Variants in VWDE observed in about 807,000 individuals in gnomAD.
VWDE encodes von Willebrand factor D and EGF domains, also known as von Willebrand factor D and EGF domain-containing protein.
A neutral mutation model predicts 178.4 loss-of-function variants in VWDE; 207 were observed. That is an observed-to-expected ratio of 1.16 (90% CI 1.04 to 1.30). VWDE has a LOEUF of 1.30. VWDE is among the 50% of genes most tolerant of loss of function. The pLI is 0.00. For synonymous variants in VWDE, 738 were observed against 651.4 expected (o/e 1.13, Z -2.02); for missense variants, 2,287 against 1,901.3 (o/e 1.20, Z -3.77).
At chr7:12,381,647 G>T (rs1783859065) in intron 4 of VWDE, among the ~76,000 whole-genome samples, 2 of 151,858 alleles carry the variant, frequency 1.3e-5, no homozygotes, top group Admixed American at 1.3e-4. Flanking sequence ...AATTTACCTA[G>T]TTAACAAATA....
At chr7:12,354,418 T>C in intron 18 of VWDE, 1 of 443,564 alleles carries the variant, frequency 2.3e-6, no homozygotes, top group Non-Finnish European at 4.5e-6. Context: ...ACCAAAGGTA[T>C]TCAGGCATGC....
chr7:12,382,674 T>A (rs1783912996), intron 4 of VWDE, among the ~76,000 whole-genome samples: 1 of 151,912 alleles, frequency 6.6e-6, no homozygotes. Flanking sequence ...ATTAATTATA[T>A]GTCAACAGTC....
chr7:12,386,716 G>A (rs1021407969), intron 3 of VWDE, among the ~76,000 whole-genome samples: 1 of 152,116 alleles, frequency 6.6e-6, no homozygotes, highest in Non-Finnish European at 1.5e-5. Flanking sequence ...TTTCGCTGGT[G>A]ACGCTTCATT....
chr7:12,367,390 T>C lies in VWDE; in HGVS notation c.2865A>G (p.Leu955=), dbSNP rs1298427933. ...TAGTAACTTCACATTTAATTGAAGG[T>C]AATTCTTTGAAGCCTTTGCCAAAAA... The part of the protein sequence containing the change: ...VRVFGKGFKE[L]PSIKCEVTKL... The change falls in exon 13 of 29, where the codon TTA becomes TTG. Residue 955 remains leucine (L), a synonymous_variant. Transcript: ENST00000275358. 6.5e-7 allele frequency: 1 copy of C among 1,547,008 alleles called. No individual in the cohort carries two copies. Among genetic ancestry groups the C allele is most frequent in the Admixed American group, 2.0e-5 (1 of 50,452 alleles).
intron 18 of VWDE, among the ~76,000 whole-genome samples, chr7:12,355,737 A>G (rs1782207586): frequency 1.3e-5 from 2 of 152,162 alleles, no homozygotes; most frequent in Non-Finnish European, 2.9e-5. Context: ...AATTATCAGT[A>G]AAACCTCTCT....
rs888282800 is a variant in VWDE, at chr7:12,377,926, A to G, written c.880-6T>C. On this transcript the variant is annotated splice_polypyrimidine_tract_variant and splice_region_variant and intron_variant, in intron 6 of 28. Coordinates refer to ENST00000275358, the MANE Select transcript of VWDE (RefSeq NM_001135924.3). Reference sequence around the variant, plus strand: ...GTGCTCAATTCAGGCTGTAGCTGGTATAAGAAAATACGTAGAAAAATTATG... The same window carrying G: ...GTGCTCAATTCAGGCTGTAGCTGGTGTAAGAAAATACGTAGAAAAATTATG... 11 of 1,378,754 alleles carry G rather than the reference A, an allele frequency of 8.0e-6. No individual in the cohort carries two copies. The highest frequency in any genetic ancestry group is 5.7e-5 in the East Asian group (2 of 34,952). The allele number at this position is 1,378,754 out of a possible 1,614,324, so 85.4% of individuals were successfully genotyped here.
At chr7:12,347,647 C>A (rs2128548730) in intron 19 of VWDE, among the ~76,000 whole-genome samples, 1 of 152,094 alleles carries the variant, frequency 6.6e-6, no homozygotes. Flanking sequence ...GGCCATACTG[C>A]CCAAGGTAAT....
At chr7:12,395,813 C>T (rs1412970391) in intron 1 of VWDE, among the ~76,000 whole-genome samples, 3 of 151,994 alleles carry the variant, frequency 2.0e-5, no homozygotes, top group African/African-American at 7.3e-5. Context: ...ATGCATGATA[C>T]AGTTAAGTGA....
At chr7:12,357,014 T>C (rs1473004217) in intron 17 of VWDE, among the ~76,000 whole-genome samples, 1 of 152,198 alleles carries the variant, frequency 6.6e-6, no homozygotes, top group Non-Finnish European at 1.5e-5. Context: ...TTTATTCTTG[T>C]CATAGTGAAG....
chr7:12,357,198 T>A, intron 17 of VWDE, 67 bp downstream of exon 17: 1 of 1,507,902 alleles, frequency 6.6e-7, no homozygotes, highest in Non-Finnish European at 8.9e-7. Flanking sequence ...GCTTGTATTT[T>A]AAATTCAAAT....
intron 2 of VWDE, among the ~76,000 whole-genome samples, chr7:12,392,808 C>A (rs201749827): frequency 1.6e-3 from 209 of 131,998 alleles, no homozygotes; most frequent in Middle Eastern, 4.1e-3. Flanking sequence ...AGTTAAGTTG[C>A]AAAAAAAAAA....
At chr7:12,374,500 C>A (rs1179752483) in intron 9 of VWDE, among the ~76,000 whole-genome samples, 189 bp downstream of exon 9, 1 of 151,908 alleles carries the variant, frequency 6.6e-6, no homozygotes, top group African/African-American at 2.4e-5. Context: ...ATGTTTTTTA[C>A]TAAGAATTAG....
At chr7:12,331,458 C>T (rs1021139197) in intron 28 of VWDE, among the ~76,000 whole-genome samples, 6 of 152,066 alleles carry the variant, frequency 3.9e-5, no homozygotes, top group Non-Finnish European at 7.4e-5. Flanking sequence ...ACATCCATGC[C>T]CAATAAAACT....
intron 18 of VWDE, chr7:12,354,560 A>G (rs1215645710): frequency 7.8e-6 from 2 of 256,830 alleles, no homozygotes; most frequent in East Asian, 2.3e-4. Flanking sequence ...GTCTTATTAT[A>G]TAACTTCTAC....
At position 12,351,704 on chromosome 7, in the gene VWDE, T is replaced by A. The variant is rs751203804; in HGVS notation, c.3755A>T (p.Gln1252Leu). The change falls in exon 19 of 29, where the codon CAG (glutamine) becomes CTG (leucine). Residue 1252 changes from glutamine to leucine, a missense_variant. Coordinates refer to ENST00000275358, the MANE Select transcript of VWDE (RefSeq NM_001135924.3). ...DCPPELKVET[Q>L]FVNQFTTQTV... ...TTGTGTAGTAAATTGATTTACAAAC[T>A]GTGTTTCAACTGTAAATGAGAACAA... 2 of 1,543,806 alleles carry A rather than the reference T, an allele frequency of 1.3e-6. No homozygotes were observed. The highest frequency in any genetic ancestry group is 2.4e-5 in the South Asian group (2 of 82,268).
chr7:12,345,319 A>G (rs913250442), intron 19 of VWDE, among the ~76,000 whole-genome samples: 11 of 152,114 alleles, frequency 7.2e-5, no homozygotes, highest in African/African-American at 2.2e-4. Flanking sequence ...GTATATGGAA[A>G]AGCATATCTT....
At chr7:12,378,615 T>C (rs149017257) in intron 6 of VWDE, among the ~76,000 whole-genome samples, 1 of 152,270 alleles carries the variant, frequency 6.6e-6, no homozygotes, top group East Asian at 1.9e-4. Context: ...GTGCTGACTA[T>C]TGACCCCTGA....
intron 19 of VWDE, among the ~76,000 whole-genome samples, chr7:12,346,287 C>A (rs932722809): frequency 8.5e-5 from 13 of 152,138 alleles, no homozygotes; most frequent in African/African-American, 2.9e-4. Context: ...AAGGAAAGCA[C>A]AGCCCCTATG....
chr7:12,378,763 A>G (rs1264027105), intron 6 of VWDE, among the ~76,000 whole-genome samples: 1 of 152,018 alleles, frequency 6.6e-6, no homozygotes, highest in East Asian at 1.9e-4. Flanking sequence ...CCTGGTTCCT[A>G]CTGTGTGTAC....
Sources: gnomAD v4.1 joint callset for allele counts (sites outside exome capture counted in the v4.1 genomes callset) on GRCh38, gnomAD v4.1.1 for gene constraint, MANE v1.5 for transcripts, NCBI Gene and HGNC (gene_info 2026-07-23, HGNC 2026-07-21) for gene names.